PHLPP1: variants seen among roughly 807,000 people sequenced by gnomAD.
PHLPP1 encodes PH domain leucine-rich repeat-containing protein phosphatase 1.
In PHLPP1, 42 loss-of-function variants were observed where a neutral mutation model predicts 117.2. The observed-to-expected ratio is 0.36, with a 90% CI of 0.28 to 0.46. The LOEUF (loss-of-function observed/expected upper bound fraction) is 0.46, where lower values mean the gene tolerates loss of function less well. PHLPP1 is among the 20% of genes least tolerant of loss of function. PHLPP1 has a pLI of 1.00. For synonymous variants in PHLPP1, 1,042 were observed against 970.7 expected (o/e 1.07, Z -1.37); for missense variants, 2,084 against 2,241.9 (o/e 0.93, Z 1.42).
At chr18:62,821,484 G>A (rs1317752425) in intron 1 of PHLPP1, among the ~76,000 whole-genome samples, 31 of 149,738 alleles carry the variant, frequency 2.1e-4, no homozygotes, top group African/African-American at 7.6e-4. Flanking sequence ...GGGAGGCAGA[G>A]GTTGCAGTGA....
chr18:62,896,212 T>C (rs1163160185), intron 6 of PHLPP1, among the ~76,000 whole-genome samples: 2 of 152,162 alleles, frequency 1.3e-5, no homozygotes, highest in Non-Finnish European at 2.9e-5. Context: ...CTTGAAGGTC[T>C]TTGTTTTGCA....
At chr18:62,828,865 C>G (rs1329289272) in intron 1 of PHLPP1, among the ~76,000 whole-genome samples, 2 of 152,174 alleles carry the variant, frequency 1.3e-5, no homozygotes, top group Non-Finnish European at 2.9e-5. Flanking sequence ...GTACATATAT[C>G]TCTTATTAAC....
intron 1 of PHLPP1, among the ~76,000 whole-genome samples, chr18:62,746,139 G>C (rs1307147392): frequency 6.6e-6 from 1 of 152,142 alleles, no homozygotes; most frequent in Admixed American, 6.5e-5. Flanking sequence ...CCCCTCCCGG[G>C]TTCAAGCGAT....
Position 62,957,653 on chromosome 18 carries a change from G to T in PHLPP1, c.3325-976G>T, listed in dbSNP as rs1957156623. 3.3e-5 allele frequency among the ~76,000 whole-genome samples: 5 copies of T among 150,748 alleles called. No individual in the cohort carries two copies. The South Asian group carries it at 1.0e-3, about 31-fold the overall frequency. On this transcript the variant is annotated intron_variant, in intron 12 of 16. Transcript: ENST00000262719. ...TTTGTTTTTTTTGAGACAGGGTCTT[G>T]CTCTGTCGCCCAGGCCAGAATGCAG...
intron 1 of PHLPP1, among the ~76,000 whole-genome samples, chr18:62,744,785 T>A (rs306211): frequency 2.5e-4 from 38 of 152,338 alleles, no homozygotes; most frequent in Middle Eastern, 6.8e-3. Flanking sequence ...TATGTTACTA[T>A]TATAACACTG....
chr18:62,727,615 CAAA>C (rs71160863), intron 1 of PHLPP1, among the ~76,000 whole-genome samples: 13 of 61,462 alleles, frequency 2.1e-4, no homozygotes, highest in Non-Finnish European at 2.5e-4. Context: ...GACCCTGTCT[CAAA>C]AAAAAAAAAA....
chr18:62,934,269 C>G (rs1171541237), intron 10 of PHLPP1, among the ~76,000 whole-genome samples: 3 of 152,148 alleles, frequency 2.0e-5, no homozygotes, highest in Non-Finnish European at 4.4e-5. Flanking sequence ...CTTCCCTGCA[C>G]TCATATGTTT....
At chr18:62,758,411 C>A (rs1912098101) in intron 1 of PHLPP1, among the ~76,000 whole-genome samples, 1 of 152,134 alleles carries the variant, frequency 6.6e-6, no homozygotes, top group African/African-American at 2.4e-5. Flanking sequence ...AAATGGGTAT[C>A]CTTTCGTGCT....
rs143966971 is a variant in PHLPP1 at position 62,773,609 on chromosome 18, G to T, written c.1576+56350G>T. On this transcript the variant is annotated intron_variant, in intron 1 of 16. Transcript: ENST00000262719. ...ATTATTTTTGGGGTGAGGGGGATGGGTTCTGTTTGTTTGTTGTTAACCAAA... is the reference window on the plus strand; with the variant it reads ...ATTATTTTTGGGGTGAGGGGGATGGTTTCTGTTTGTTTGTTGTTAACCAAA... 1.6e-4 allele frequency among the ~76,000 whole-genome samples: 24 copies of T among 152,244 alleles called. No individual in the cohort carries two copies. In the East Asian group the frequency reaches 3.3e-3, roughly 21 times the overall value.
intron 4 of PHLPP1, among the ~76,000 whole-genome samples, chr18:62,876,424 A>G (rs565077175): frequency 6.6e-6 from 1 of 152,258 alleles, no homozygotes; most frequent in South Asian, 2.1e-4. Context: ...TCTCAATTCC[A>G]TGTGACCTTT....
At chr18:62,919,121 A>G (rs1909384473) in intron 9 of PHLPP1, among the ~76,000 whole-genome samples, 1 of 152,210 alleles carries the variant, frequency 6.6e-6, no homozygotes, top group Admixed American at 6.5e-5. Context: ...TTAATTCTTG[A>G]TCTAAAGTGA....
chr18:62,915,344 C>T (rs1352294669), intron 9 of PHLPP1, among the ~76,000 whole-genome samples: 1 of 152,198 alleles, frequency 6.6e-6, no homozygotes, highest in Non-Finnish European at 1.5e-5. Context: ...TCTTCCACCT[C>T]TGTTCATTGA....
chr18:62,744,781 A>G (rs1911629048), intron 1 of PHLPP1, among the ~76,000 whole-genome samples: 1 of 152,240 alleles, frequency 6.6e-6, no homozygotes, highest in African/African-American at 2.4e-5. Flanking sequence ...ATGGTATGTT[A>G]CTATTATAAC....
chr18:62,775,378 C>A (rs987634330), intron 1 of PHLPP1, among the ~76,000 whole-genome samples: 1 of 152,328 alleles, frequency 6.6e-6, no homozygotes, highest in South Asian at 2.1e-4. Context: ...GGGATTCAGG[C>A]GTGAGCCACC....
intron 1 of PHLPP1, among the ~76,000 whole-genome samples, chr18:62,795,142 C>T (rs955674340): frequency 4.6e-5 from 7 of 151,904 alleles, no homozygotes; most frequent in Non-Finnish European, 1.0e-4. Context: ...GTTGCATATT[C>T]TTAATTGGTT....
intron 15 of PHLPP1, among the ~76,000 whole-genome samples, chr18:62,974,552 C>G (rs1008921391): frequency 1.5e-4 from 23 of 152,154 alleles, no homozygotes; most frequent in Non-Finnish European, 7.3e-5. Flanking sequence ...GGCAGTGTTA[C>G]CATTTGTGGG....
chr18:62,904,274 G>A lies in PHLPP1; in HGVS notation c.2648-950G>A, dbSNP rs116672785. 6.3e-3 allele frequency among the ~76,000 whole-genome samples: 953 copies of A among 152,314 alleles called. 8 individuals carry two copies. Among genetic ancestry groups the A allele is most frequent in the African/African-American group, 0.022 (905 of 41,558 alleles). On this transcript the variant is annotated intron_variant, in intron 7 of 16. Coordinates refer to ENST00000262719, the MANE Select transcript of PHLPP1 (RefSeq NM_194449.4). ...AACAGGGAATTCTGAACCCATAGAAGTAATTAGGGGATGCATGCTTTTGTC... is the reference window on the plus strand; with the variant it reads ...AACAGGGAATTCTGAACCCATAGAAATAATTAGGGGATGCATGCTTTTGTC...
chr18:62,817,555 G>A (rs73458256), intron 1 of PHLPP1, among the ~76,000 whole-genome samples: 2,258 of 151,676 alleles, frequency 0.015, 59 homozygotes, highest in African/African-American at 0.051. Context: ...GATTACCAAC[G>A]ATGAAACATA....
chr18:62,963,460 G>C lies in PHLPP1; in HGVS notation c.3548G>C (p.Gly1183Ala). ...VWSHGYTEAS[G>A]VKNKLCVAAL... ...AGTCATGGTTACACTGAAGCTTCGG[G>C]GGTAAAAAACAAGTAAGTCAGATGA... The change falls in exon 14 of 17, where the codon GGG becomes GCG. Residue 1183 changes from glycine (G) to alanine (A), a missense_variant. Gly to Ala is a moderately conservative substitution (Grantham distance 60). Transcript: ENST00000262719. 1 of 1,609,876 alleles carries C rather than the reference G, an allele frequency of 6.2e-7. No individual in the cohort carries two copies. Among genetic ancestry groups the C allele is most frequent in the Non-Finnish European group, 8.5e-7 (1 of 1,177,488 alleles).
Sources: gnomAD v4.1 joint callset for allele counts (sites outside exome capture counted in the v4.1 genomes callset) on GRCh38, gnomAD v4.1.1 for gene constraint, MANE v1.5 for transcripts, NCBI Gene and HGNC (gene_info 2026-07-23, HGNC 2026-07-21) for gene names.